The following EDNRB variants were observed in gnomAD, a reference collection of about 807,000 sequenced individuals.
EDNRB encodes endothelin receptor type B, also known as Hirschsprung disease 2.
A neutral mutation model predicts 46.4 loss-of-function variants in EDNRB; 18 were observed. The ratio of observed to expected loss-of-function variants is 0.39; its 90% CI spans 0.27 to 0.57. The LOEUF is 0.57. Among genes scored for constraint, EDNRB ranks in the 20% least tolerant of loss-of-function variants. The pLI is 0.61. For synonymous variants in EDNRB, 213 were observed against 204.9 expected (o/e 1.04, Z -0.34); for missense variants, 434 against 537.5 (o/e 0.81, Z 1.90).
chr13:77,965,769 T>C (rs1268719617), intron 1 of EDNRB, among the ~76,000 whole-genome samples: 1 of 152,090 alleles, frequency 6.6e-6, no homozygotes, highest in Non-Finnish European at 1.5e-5. Flanking sequence ...GAAGGGGAAA[T>C]AGGAAGCTCT....
In EDNRB at chr13:77,903,276, C is replaced by T. The variant is rs760719981; in HGVS notation, c.681G>A (p.Val227=). The change falls in exon 3 of 7, where the codon GTG becomes GTA. Residue 227 remains valine (V), a synonymous_variant. Coordinates refer to ENST00000646607, the MANE Select transcript of EDNRB (RefSeq NM_001122659.3). ...WTAVEIVLIW[V]VSVVLAVPEA... is the part of the protein sequence containing the mutation. The stretch of plus-strand genomic sequence containing the variant: ...CAGGGACAGCCAGAACCACAGAGAC[C>T]ACCCAAATCAAAACAATTTCTACTG... 1.9e-6 allele frequency: 3 copies of T among 1,612,926 alleles called. No individual in the cohort carries two copies. In the South Asian group the frequency reaches 3.3e-5, roughly 18 times the overall value.
intron 1 of EDNRB, among the ~76,000 whole-genome samples, chr13:77,958,556 A>C (rs1171466532): frequency 2.0e-5 from 3 of 151,754 alleles, no homozygotes; most frequent in Non-Finnish European, 2.9e-5. Flanking sequence ...GTATTTTTTC[A>C]GTAGAGATGG....
At chr13:77,911,227 A>G (rs1393734553) in intron 1 of EDNRB, among the ~76,000 whole-genome samples, 1 of 152,084 alleles carries the variant, frequency 6.6e-6, no homozygotes, top group Non-Finnish European at 1.5e-5. Flanking sequence ...ACACAGAAGA[A>G]TGAGAACCTG....
intron 1 of EDNRB, among the ~76,000 whole-genome samples, chr13:77,963,545 G>T (rs1426372709): frequency 6.6e-6 from 1 of 152,094 alleles, no homozygotes; most frequent in African/African-American, 2.4e-5. Flanking sequence ...AATAAATGGT[G>T]CTGGGAAAAC....
At chr13:77,915,373 C>T (rs1235068491) in intron 1 of EDNRB, among the ~76,000 whole-genome samples, 2 of 152,140 alleles carry the variant, frequency 1.3e-5, no homozygotes, top group East Asian at 1.9e-4. Flanking sequence ...TATTATTTGC[C>T]ATAATTCCAC....
chr13:77,912,603 A>G (rs1388829193), intron 1 of EDNRB, among the ~76,000 whole-genome samples: 1 of 152,130 alleles, frequency 6.6e-6, no homozygotes, highest in Non-Finnish European at 1.5e-5. Flanking sequence ...GCATTTGTGT[A>G]GTATTGACAG....
upstream of EDNRB, among the ~76,000 whole-genome samples, chr13:77,922,076 G>A (rs1414746081): frequency 1.3e-5 from 2 of 151,482 alleles, no homozygotes; most frequent in Admixed American, 6.6e-5. Context: ...CAAATTTTAA[G>A]AATTCCTACC....
chr13:77,900,707 C>T, intron 4 of EDNRB, 53 bp from the exon 5 acceptor site: 1 of 1,609,264 alleles, frequency 6.2e-7, no homozygotes, highest in Non-Finnish European at 8.5e-7. Flanking sequence ...TTACTCATAG[C>T]ATTCTATCTT....
At chr13:77,934,403 C>T (rs958967067) in intron 1 of EDNRB, among the ~76,000 whole-genome samples, 18 of 152,048 alleles carry the variant, frequency 1.2e-4, no homozygotes, top group African/African-American at 2.4e-4. Flanking sequence ...CTGGATACTA[C>T]GAGCCTGAAA....
At chr13:77,912,309 C>T (rs1879611970) in intron 1 of EDNRB, among the ~76,000 whole-genome samples, 1 of 151,998 alleles carries the variant, frequency 6.6e-6, no homozygotes, top group South Asian at 2.1e-4. Flanking sequence ...CAAGAAATAC[C>T]ATCAAATTGA....
intron 1 of EDNRB, among the ~76,000 whole-genome samples, chr13:77,911,620 G>A (rs1341806744): frequency 6.6e-6 from 1 of 151,926 alleles, no homozygotes; most frequent in African/African-American, 2.4e-5. Context: ...ATAAATTTCT[G>A]ATTCAAGAAT....
At chr13:77,933,105 TG>T (rs1290758221) in intron 1 of EDNRB, among the ~76,000 whole-genome samples, 1 of 152,256 alleles carries the variant, frequency 6.6e-6, no homozygotes, top group Non-Finnish European at 1.5e-5. Flanking sequence ...TATTTGTTTC[TG>T]TAGCAATTCT....
chr13:77,926,243 C>T (rs1345665693), intron 1 of EDNRB, among the ~76,000 whole-genome samples: 1 of 152,130 alleles, frequency 6.6e-6, no homozygotes, highest in East Asian at 1.9e-4. Context: ...TTGAATGTAT[C>T]CTCAAAAAAT....
At chr13:77,923,252 G>T (rs1880136250), upstream of EDNRB, among the ~76,000 whole-genome samples, 1 of 152,050 alleles carries the variant, frequency 6.6e-6, no homozygotes, top group African/African-American at 2.4e-5. Flanking sequence ...ACAATAATTT[G>T]CTTTCCTACT....
chr13:77,953,688 A>T (rs903885513), intron 1 of EDNRB, among the ~76,000 whole-genome samples: 1 of 152,222 alleles, frequency 6.6e-6, no homozygotes, highest in South Asian at 2.1e-4. Context: ...AATAAAGGCT[A>T]GAGTGACTGT....
intron 1 of EDNRB, among the ~76,000 whole-genome samples, chr13:77,908,043 A>AAAAAAAGAGAG (rs4052535): frequency 1.8e-4 from 13 of 72,448 alleles, no homozygotes; most frequent in East Asian, 1.1e-3. Context: ...AAAAAAAAAA[A>AAAAAAAGAGAG]AGAGAGAGAG....
At chr13:77,974,146 A>C (rs886787228) in intron 1 of EDNRB, among the ~76,000 whole-genome samples, 3 of 152,100 alleles carry the variant, frequency 2.0e-5, no homozygotes, top group Non-Finnish European at 4.4e-5. Flanking sequence ...TTTTGTCCAA[A>C]TTAACTTAGA....
intron 1 of EDNRB, among the ~76,000 whole-genome samples, chr13:77,913,706 C>T (rs1879685460): frequency 6.6e-6 from 1 of 152,120 alleles, no homozygotes; most frequent in Non-Finnish European, 1.5e-5. Flanking sequence ...ATTGCCAAAG[C>T]AAACCAAGCC....
intron 1 of EDNRB, among the ~76,000 whole-genome samples, chr13:77,956,700 C>T (rs1881250861): frequency 6.6e-6 from 1 of 152,170 alleles, no homozygotes; most frequent in African/African-American, 2.4e-5. Context: ...GGCTGTGTTC[C>T]TTTCTGGAGG....
Sources: gnomAD v4.1 joint callset for allele counts (sites outside exome capture counted in the v4.1 genomes callset) on GRCh38, gnomAD v4.1.1 for gene constraint, MANE v1.5 for transcripts, NCBI Gene and HGNC (gene_info 2026-07-23, HGNC 2026-07-21) for gene names.